NFIB: variants seen among roughly 807,000 people sequenced by gnomAD.
NFIB encodes nuclear factor 1 B-type.
In NFIB, 11 loss-of-function variants were observed where a neutral mutation model predicts 61.5. The ratio of observed to expected loss-of-function variants is 0.18; its 90% confidence interval spans 0.11 to 0.30. NFIB has a LOEUF of 0.30. Among genes scored for constraint, NFIB ranks in the 10% least tolerant of loss-of-function variants. The pLI is 1.00. For missense variants in NFIB, 471 were observed against 608.9 expected (o/e 0.77, Z 2.38); for synonymous variants, 260 against 216.5 (o/e 1.20, Z -1.76).
intron 2 of NFIB, among the ~76,000 whole-genome samples, chr9:14,268,241 C>T (rs1305643999): frequency 6.6e-6 from 1 of 152,126 alleles, no homozygotes; most frequent in Non-Finnish European, 1.5e-5. Flanking sequence ...CCATTTTCTT[C>T]CTTCATTCCA....
intron 2 of NFIB, among the ~76,000 whole-genome samples, chr9:14,284,201 A>G (rs920592315): frequency 6.6e-6 from 1 of 152,214 alleles, no homozygotes; most frequent in African/African-American, 2.4e-5. Context: ...TAATCATTAT[A>G]ATAAATAATT....
chr9:14,330,259 G>A (rs1393366911), intron 1 of NFIB, among the ~76,000 whole-genome samples: 1 of 152,178 alleles, frequency 6.6e-6, no homozygotes, highest in Non-Finnish European at 1.5e-5. Flanking sequence ...TAACTAAAAA[G>A]TTAAATACTT....
intron 7 of NFIB, among the ~76,000 whole-genome samples, chr9:14,123,039 A>C (rs2039138209): frequency 6.6e-6 from 1 of 152,032 alleles, no homozygotes; most frequent in Non-Finnish European, 1.5e-5. Flanking sequence ...GGATCACTTG[A>C]GGTCAGATGT....
intron 5 of NFIB, among the ~76,000 whole-genome samples, chr9:14,147,271 T>C (rs1411829793): frequency 1.3e-5 from 2 of 152,114 alleles, no homozygotes; most frequent in Non-Finnish European, 2.9e-5. Flanking sequence ...TAGTATAAAA[T>C]CTTGAGTAGG....
the NFIB span, among the ~76,000 whole-genome samples, chr9:14,429,767 C>T: frequency 1.3e-5 from 2 of 152,204 alleles, no homozygotes; most frequent in African/African-American, 4.8e-5. Flanking sequence ...TACCATGGGG[C>T]CTGCAGCAAC....
At chr9:14,380,793 T>C (rs965708054) in intron 1 of NFIB, among the ~76,000 whole-genome samples, 1 of 152,050 alleles carries the variant, frequency 6.6e-6, no homozygotes, top group Admixed American at 6.6e-5. Context: ...CTGTTTCTTC[T>C]AAAAAGAGTC....
intron 2 of NFIB, among the ~76,000 whole-genome samples, chr9:14,290,481 G>A (rs2059019719): frequency 6.6e-6 from 1 of 151,892 alleles, no homozygotes; most frequent in Admixed American, 6.6e-5. Flanking sequence ...GCCAAATAAA[G>A]TGCATGCCTA....
intron 3 of NFIB, among the ~76,000 whole-genome samples, chr9:14,177,239 C>A (rs2046292165): frequency 6.6e-6 from 1 of 152,050 alleles, no homozygotes; most frequent in African/African-American, 2.4e-5. Flanking sequence ...ATAAAAAGAG[C>A]TTCCTAAAGA....
At chr9:14,499,664 C>T in the NFIB span, among the ~76,000 whole-genome samples, 1 of 152,106 alleles carries the variant, frequency 6.6e-6, no homozygotes, top group Non-Finnish European at 1.5e-5. Flanking sequence ...AATTGACGGG[C>T]CCAAGCTCAC....
At chr9:14,524,606 T>C in the NFIB span, among the ~76,000 whole-genome samples, 3 of 152,332 alleles carry the variant, frequency 2.0e-5, no homozygotes, top group South Asian at 6.2e-4. Flanking sequence ...TCATGCCTTC[T>C]CATTAAATGT....
chr9:14,472,097 T>C, the NFIB span, among the ~76,000 whole-genome samples: 7 of 152,340 alleles, frequency 4.6e-5, no homozygotes, highest in Non-Finnish European at 7.3e-5. Context: ...GAACAATTTG[T>C]CTTGGTCAAT....
rs940684631 is a variant in NFIB, at chr9:14,085,218, A to G, written c.*3091T>C. On this transcript the variant is annotated 3_prime_UTR_variant, in exon 11 of 11. Coordinates refer to ENST00000380953, the MANE Select transcript of NFIB (RefSeq NM_001190737.2). ...TTCTCCAGCCCATAAGCATTGTTCT[A>G]AAGTATTCATTATTAAATGATATGC... is the stretch of plus-strand genomic sequence containing the variant. 1.3e-5 allele frequency: 3 copies of G among 228,518 alleles called. No individual in the cohort carries two copies. The highest frequency in any genetic ancestry group is 4.4e-5 in the African/African-American group (2 of 45,074). 14.2% of individuals were successfully genotyped at this position (228,518 alleles called of 1,614,324 possible). A position where few individuals can be genotyped will look rare whatever the true frequency, so the allele number is the denominator to read the frequency against.
chr9:14,261,124 C>T (rs934432278), intron 2 of NFIB, among the ~76,000 whole-genome samples: 4 of 152,194 alleles, frequency 2.6e-5, no homozygotes, highest in African/African-American at 9.6e-5. Flanking sequence ...TGAGACCAGC[C>T]TGGCCACCAC....
chr9:14,447,014 C>T, the NFIB span, among the ~76,000 whole-genome samples: 5 of 152,268 alleles, frequency 3.3e-5, no homozygotes, highest in Admixed American at 2.0e-4. Flanking sequence ...GCAGAACCAA[C>T]ATGCTTTTAT....
intron 2 of NFIB, among the ~76,000 whole-genome samples, chr9:14,255,222 C>CA (rs1167780795): frequency 6.6e-6 from 1 of 151,680 alleles, no homozygotes; most frequent in Admixed American, 6.6e-5. Flanking sequence ...AACCCTGACT[C>CA]AAAAAAAGAA....
intron 2 of NFIB, among the ~76,000 whole-genome samples, chr9:14,265,680 C>T (rs1014424808): frequency 3.3e-5 from 5 of 152,216 alleles, no homozygotes; most frequent in African/African-American, 1.2e-4. Flanking sequence ...CTCTCTGAGA[C>T]AGCATTCCTC....
chr9:14,098,091 A>C (rs895790532), intron 10 of NFIB, among the ~76,000 whole-genome samples: 5 of 152,188 alleles, frequency 3.3e-5, no homozygotes, highest in Admixed American at 3.3e-4. Flanking sequence ...AATAGCTGAT[A>C]AAAGTCTCTT....
intron 1 of NFIB, among the ~76,000 whole-genome samples, chr9:14,322,566 C>T (rs1398966374): frequency 2.0e-5 from 3 of 152,054 alleles, no homozygotes; most frequent in Admixed American, 6.5e-5. Context: ...TCTCTTTCTC[C>T]GGCTCGCGGC....
At chr9:14,205,343 T>A (rs1318871917) in intron 2 of NFIB, among the ~76,000 whole-genome samples, 1 of 146,766 alleles carries the variant, frequency 6.8e-6, no homozygotes, top group Non-Finnish European at 1.5e-5. Context: ...AGACACTGCA[T>A]GGAACTAAAA....
Sources: gnomAD v4.1 joint callset for allele counts (sites outside exome capture counted in the v4.1 genomes callset) on GRCh38, gnomAD v4.1.1 for gene constraint, MANE v1.5 for transcripts, NCBI Gene and HGNC (gene_info 2026-07-23, HGNC 2026-07-21) for gene names.